The following NFIB variants were observed in gnomAD, a reference collection of about 807,000 sequenced individuals.
NFIB encodes the protein nuclear factor 1 B-type.
NFIB carries 11 observed loss-of-function variants against 61.5 expected under a neutral mutation model. That is an observed-to-expected ratio of 0.18 (90% CI 0.11 to 0.30). The LOEUF (loss-of-function observed/expected upper bound fraction) is 0.30, where lower values mean the gene tolerates loss of function less well. Ranked by LOEUF, NFIB falls within the 10% of genes least tolerant of loss-of-function variation. NFIB has a pLI of 1.00. For synonymous variants in NFIB, 260 were observed against 216.5 expected, an observed-to-expected ratio of 1.20 and a Z score of -1.76; for missense variants, 471 against 608.9, an observed-to-expected ratio of 0.77 and a Z score of 2.38.
At chr9:14,268,470 A>G (rs2057375639) in intron 2 of NFIB, among the ~76,000 whole-genome samples, 1 of 152,048 alleles carries the variant, frequency 6.6e-6, no homozygotes, top group Admixed American at 6.6e-5. Flanking sequence ...CCAACTACCA[A>G]CATGCTTTCC....
chr9:14,352,019 C>T (rs2061118725), intron 1 of NFIB, among the ~76,000 whole-genome samples: 1 of 152,140 alleles, frequency 6.6e-6, no homozygotes, highest in Non-Finnish European at 1.5e-5. Context: ...ATATAGCTAA[C>T]AATAAACTAC....
chr9:14,468,518 T>G, the NFIB span, among the ~76,000 whole-genome samples: 2 of 152,212 alleles, frequency 1.3e-5, no homozygotes. Context: ...TCCATTTGGC[T>G]TGGAGGCTTT....
At chr9:14,105,654 T>C (rs1166952017) in intron 10 of NFIB, among the ~76,000 whole-genome samples, 1 of 152,122 alleles carries the variant, frequency 6.6e-6, no homozygotes, top group Non-Finnish European at 1.5e-5. Flanking sequence ...TAGAAATCAC[T>C]TATTCACCAA....
chr9:14,092,197 C>T (rs186915488), intron 10 of NFIB, among the ~76,000 whole-genome samples: 2 of 152,166 alleles, frequency 1.3e-5, no homozygotes, highest in East Asian at 3.9e-4. Context: ...CATTGCAGAA[C>T]AGCTAAGGGT....
intron 6 of NFIB, among the ~76,000 whole-genome samples, chr9:14,129,225 G>A (rs1196348070): frequency 6.6e-6 from 1 of 152,076 alleles, no homozygotes; most frequent in Non-Finnish European, 1.5e-5. Context: ...ATTTGCTTTA[G>A]AGACAGGTGA....
At chr9:14,363,453 G>A (rs2061263351) in intron 1 of NFIB, among the ~76,000 whole-genome samples, 1 of 152,140 alleles carries the variant, frequency 6.6e-6, no homozygotes, top group South Asian at 2.1e-4. Flanking sequence ...TTGTTCCGAT[G>A]TCAACCAAGT....
intron 3 of NFIB, among the ~76,000 whole-genome samples, chr9:14,167,084 G>A (rs921465303): frequency 2.7e-5 from 1 of 37,614 alleles, no homozygotes; most frequent in Non-Finnish European, 5.1e-5. Context: ...TGTGTGTGTC[G>A]GGGGGGGGGG....
chr9:14,392,519 G>C (rs2061635998), intron 1 of NFIB, among the ~76,000 whole-genome samples: 1 of 152,174 alleles, frequency 6.6e-6, no homozygotes, highest in Non-Finnish European at 1.5e-5. Context: ...CTTGAGCCCA[G>C]GAGTTTGAGA....
the NFIB span, among the ~76,000 whole-genome samples, chr9:14,504,063 G>A: frequency 7.9e-5 from 12 of 152,238 alleles, no homozygotes; most frequent in Admixed American, 5.9e-4. Context: ...AACACCATTT[G>A]TTGAATATGA....
At chr9:14,529,005 A>G in the NFIB span, among the ~76,000 whole-genome samples, 1 of 152,188 alleles carries the variant, frequency 6.6e-6, no homozygotes, top group African/African-American at 2.4e-5. Flanking sequence ...GAAAGAAGTC[A>G]CATACAAAAT....
chr9:14,294,811 T>G (rs1450318114), intron 2 of NFIB, among the ~76,000 whole-genome samples: 1 of 152,168 alleles, frequency 6.6e-6, no homozygotes. Flanking sequence ...TTACCCTACG[T>G]CAATGTGACA....
intron 2 of NFIB, among the ~76,000 whole-genome samples, chr9:14,297,293 G>A (rs945094557): frequency 6.6e-6 from 1 of 152,174 alleles, no homozygotes; most frequent in African/African-American, 2.4e-5. Context: ...TAATGAACCG[G>A]CAGAAAGGCA....
At chr9:14,343,576 T>C (rs1355982227) in intron 1 of NFIB, among the ~76,000 whole-genome samples, 1 of 152,224 alleles carries the variant, frequency 6.6e-6, no homozygotes, top group Non-Finnish European at 1.5e-5. Flanking sequence ...GTCTGGATTC[T>C]TGCCTTTCCT....
intron 2 of NFIB, among the ~76,000 whole-genome samples, chr9:14,223,049 T>C (rs1293182984): frequency 2.0e-5 from 3 of 152,126 alleles, no homozygotes; most frequent in Middle Eastern, 3.4e-3. Flanking sequence ...ACACTAACAA[T>C]AGCTGATGAA....
intron 2 of NFIB, among the ~76,000 whole-genome samples, chr9:14,280,793 A>G (rs891865366): frequency 2.6e-5 from 4 of 152,166 alleles, no homozygotes; most frequent in African/African-American, 9.7e-5. Flanking sequence ...TAGGGAAAAG[A>G]ATCCTCAGGT....
intron 2 of NFIB, among the ~76,000 whole-genome samples, chr9:14,291,132 C>T (rs1399008455): frequency 6.6e-6 from 1 of 152,082 alleles, no homozygotes; most frequent in Non-Finnish European, 1.5e-5. Context: ...TCTTGATATA[C>T]ATAAGCACAC....
At chr9:14,100,091 C>CA (rs368365278) in intron 10 of NFIB, among the ~76,000 whole-genome samples, 26 of 151,652 alleles carry the variant, frequency 1.7e-4, no homozygotes, top group African/African-American at 4.6e-4. Context: ...AACAAAAAAA[C>CA]AAAAAAAACC....
At chr9:14,287,426 CA>C (rs1329897623) in intron 2 of NFIB, among the ~76,000 whole-genome samples, 168 of 141,974 alleles carry the variant, frequency 1.2e-3, no homozygotes, top group Middle Eastern at 3.8e-3. Context: ...GAGACTCCGT[CA>C]AAAAAAAAAA....
At chr9:14,216,719 C>A (rs968372908) in intron 2 of NFIB, among the ~76,000 whole-genome samples, 3 of 152,200 alleles carry the variant, frequency 2.0e-5, no homozygotes, top group Non-Finnish European at 4.4e-5. Context: ...GTCTACCTAA[C>A]AGCCACTTCA....
Sources: gnomAD v4.1 joint callset for allele counts (sites outside exome capture counted in the v4.1 genomes callset) on GRCh38, gnomAD v4.1.1 for gene constraint, MANE v1.5 for transcripts, NCBI Gene and HGNC (gene_info 2026-07-23, HGNC 2026-07-21) for gene names.